The following ZNF532 variants were observed in gnomAD, a reference collection of about 807,000 sequenced individuals.
ZNF532 encodes zinc finger protein 532.
A neutral mutation model predicts 89.3 loss-of-function variants in ZNF532; 22 were observed. That is an observed-to-expected ratio of 0.25 (90% CI 0.18 to 0.35). The LOEUF is 0.35. ZNF532 is among the 10% of genes least tolerant of loss of function. ZNF532 has a pLI of 1.00. For synonymous variants in ZNF532, 606 were observed against 649.6 expected (o/e 0.93, Z 1.02); for missense variants, 1,132 against 1,643.4 (o/e 0.69, Z 5.38).
intron 3 of ZNF532, among the ~76,000 whole-genome samples, chr18:58,928,036 A>G (rs1270629486): frequency 2.0e-5 from 3 of 152,082 alleles, no homozygotes; most frequent in African/African-American, 7.2e-5. Context: ...GATTTAGCTC[A>G]GTCACTATCC....
At chr18:58,979,267 T>G in intron 8 of ZNF532, 100 bp downstream of exon 8, 4 of 740,636 alleles carry the variant, frequency 5.4e-6, no homozygotes, top group Non-Finnish European at 6.6e-6. Context: ...GCTCCACAGT[T>G]CCTACATTAC....
At chr18:58,885,097 T>A (rs540861833) in intron 2 of ZNF532, among the ~76,000 whole-genome samples, 1 of 151,984 alleles carries the variant, frequency 6.6e-6, no homozygotes, top group African/African-American at 2.4e-5. Flanking sequence ...CAAGCGATTC[T>A]CTTGCCTCAG....
Position 58,942,846 on chromosome 18 carries a change from T to G in ZNF532, c.2705+3225T>G, listed in dbSNP as rs187685464. Among the ~76,000 whole-genome samples the G allele has an allele frequency of 9.8e-5, 15 of 152,346 alleles. No individual in the cohort carries two copies. In the East Asian group the frequency reaches 2.7e-3, roughly 27 times the overall value. On this transcript the variant is annotated intron_variant, in intron 5 of 9. Transcript: ENST00000591808. ...TTTGTTTAACAGGTGGTTATACAAA[T>G]AACATAAATGTATGCAAATGATTTG...
intron 2 of ZNF532, among the ~76,000 whole-genome samples, chr18:58,910,800 G>A (rs984229611): frequency 1.3e-5 from 2 of 151,932 alleles, no homozygotes; most frequent in Non-Finnish European, 2.9e-5. Context: ...TTTGACAGAT[G>A]CACAGAAACA....
chr18:58,983,115 A>G (rs12454020), intron 9 of ZNF532, among the ~76,000 whole-genome samples: 46,466 of 152,064 alleles, frequency 0.31, 7,774 homozygotes, highest in East Asian at 0.57. Flanking sequence ...CCGTCTTAAA[A>G]AAAAAGAAAG....
chr18:58,970,443 A>G (rs1362901862), intron 7 of ZNF532, among the ~76,000 whole-genome samples: 1 of 152,232 alleles, frequency 6.6e-6, no homozygotes, highest in Non-Finnish European at 1.5e-5. Flanking sequence ...CTTCAAAGGT[A>G]GGACAGATGC....
At chr18:58,926,926 A>G (rs2061573946) in intron 3 of ZNF532, among the ~76,000 whole-genome samples, 2 of 152,090 alleles carry the variant, frequency 1.3e-5, no homozygotes, top group East Asian at 1.9e-4. Flanking sequence ...TTGAATTATA[A>G]TTGCTGCTAT....
chr18:58,943,728 T>TG (rs1189190740), intron 5 of ZNF532, among the ~76,000 whole-genome samples: 1 of 152,242 alleles, frequency 6.6e-6, no homozygotes, highest in Non-Finnish European at 1.5e-5. Context: ...CCCAGATTGC[T>TG]GGGATTATAG....
intron 7 of ZNF532, among the ~76,000 whole-genome samples, chr18:58,965,721 G>A (rs2065854086): frequency 6.6e-6 from 1 of 152,206 alleles, no homozygotes; most frequent in African/African-American, 2.4e-5. Flanking sequence ...ACTTGCAGTT[G>A]CTGTTAACAG....
chr18:58,953,373 T>C (rs190949773), intron 6 of ZNF532, 145 bp from the exon 7 acceptor site: 1 of 695,470 alleles, frequency 1.4e-6, no homozygotes, highest in East Asian at 2.8e-5. Context: ...TATATTTAGC[T>C]TAGGTTTTTT....
chr18:58,984,355 G>C lies in ZNF532; in HGVS notation c.3795G>C (p.Lys1265Asn). The change falls in exon 10 of 10, where the codon AAG becomes AAC. Residue 1265 changes from lysine (K) to asparagine (N), a missense_variant. By Grantham distance (94) the Lys-to-Asn change is moderately conservative (BLOSUM62 0). Coordinates refer to ENST00000591808, the MANE Select transcript of ZNF532 (RefSeq NM_001375912.1). ...CTGATGGCGCCGTGTCAGACAGAAA[G>C]TGCAAAGTGTGCGCAAAAACTTTTG... Reference protein sequence around the residue: ...ESPDGAVSDRKCKVCAKTFET... With the variant: ...ESPDGAVSDRNCKVCAKTFET... The C allele has an allele frequency of 6.2e-7, 1 of 1,612,002 alleles. No individual in the cohort carries two copies. The highest frequency in any genetic ancestry group is 1.1e-5 in the South Asian group (1 of 90,984).
At chr18:58,931,150 A>C (rs531087479) in intron 3 of ZNF532, among the ~76,000 whole-genome samples, 20 of 152,350 alleles carry the variant, frequency 1.3e-4, no homozygotes, top group African/African-American at 4.6e-4. Flanking sequence ...CATAAGTAAA[A>C]TGTCAAGACA....
intron 3 of ZNF532, among the ~76,000 whole-genome samples, chr18:58,924,442 A>G (rs768337024): frequency 1.1e-4 from 16 of 152,208 alleles, no homozygotes; most frequent in Non-Finnish European, 1.5e-4. Flanking sequence ...TTCATGGTTC[A>G]GAAGGTGTAA....
chr18:58,926,739 G>T (rs1324172459), intron 3 of ZNF532, among the ~76,000 whole-genome samples: 1 of 152,126 alleles, frequency 6.6e-6, no homozygotes, highest in Non-Finnish European at 1.5e-5. Context: ...GTGAGGACAC[G>T]TTCATCACTA....
At chr18:58,970,471 A>T (rs1201200512) in intron 7 of ZNF532, among the ~76,000 whole-genome samples, 1 of 152,206 alleles carries the variant, frequency 6.6e-6, no homozygotes, top group Non-Finnish European at 1.5e-5. Flanking sequence ...TAGAAGGGGA[A>T]TGAAGTTGAG....
intron 7 of ZNF532, among the ~76,000 whole-genome samples, chr18:58,976,586 A>C (rs2063383): frequency 0.58 from 88,673 of 151,732 alleles, 26,818 homozygotes; most frequent in African/African-American, 0.74. Flanking sequence ...GCTCTGTCTC[A>C]CAGGCTGGAG....
intron 7 of ZNF532, among the ~76,000 whole-genome samples, chr18:58,964,626 G>A (rs975415999): frequency 2.8e-5 from 4 of 143,458 alleles, no homozygotes; most frequent in South Asian, 2.4e-4. Context: ...TCGCTCTGTC[G>A]CTCAGGCTGG....
intron 3 of ZNF532, among the ~76,000 whole-genome samples, chr18:58,923,863 AT>A (rs35384932): frequency 1.6e-4 from 24 of 148,450 alleles, no homozygotes; most frequent in South Asian, 2.1e-4. Flanking sequence ...CATATTCCAT[AT>A]TTTTTTTTTT....
At chr18:58,943,208 G>A (rs1323014339) in intron 5 of ZNF532, among the ~76,000 whole-genome samples, 1 of 142,012 alleles carries the variant, frequency 7.0e-6, no homozygotes, top group Non-Finnish European at 1.5e-5. Context: ...CACCCAGGCT[G>A]GAGTGCAGTG....
Sources: gnomAD v4.1 joint callset for allele counts (sites outside exome capture counted in the v4.1 genomes callset) on GRCh38, gnomAD v4.1.1 for gene constraint, MANE v1.5 for transcripts, NCBI Gene and HGNC (gene_info 2026-07-23, HGNC 2026-07-21) for gene names.